The following NR4A3 variants were observed in gnomAD, a reference collection of about 807,000 sequenced individuals.
NR4A3 encodes the protein nuclear receptor subfamily 4 group A member 3.
A neutral mutation model predicts 55.6 loss-of-function variants in NR4A3; 13 were observed. The ratio of observed to expected loss-of-function variants is 0.23; its 90% confidence interval spans 0.15 to 0.37. The LOEUF is 0.37. Among genes scored for constraint, NR4A3 ranks in the 10% least tolerant of loss-of-function variants. The pLI is 1.00. For missense variants in NR4A3, 646 were observed against 822.8 expected (o/e 0.79, Z 2.63); for synonymous variants, 342 against 357.9 (o/e 0.96, Z 0.50).
rs184308000 is a variant in NR4A3 at position 99,828,084 on chromosome 9, T to C, written c.42T>C (p.Gly14=). The C allele has an allele frequency of 6.2e-7, 1 of 1,613,822 alleles. No homozygotes were observed. The highest frequency in any genetic ancestry group is 1.3e-5 in the African/African-American group (1 of 74,904). ...VQAQYSPSPP[G]SSYAAQTYSS... is the part of the protein sequence containing the mutation. ...CCCAATATAGCCCTTCCCCTCCAGGTTCCAGTTATGCGGCGCAGACATACA... is the reference window on the plus strand; with the variant it reads ...CCCAATATAGCCCTTCCCCTCCAGGCTCCAGTTATGCGGCGCAGACATACA... The change falls in exon 3 of 8, where the codon GGT becomes GGC. Residue 14 remains glycine (G), a synonymous_variant. Coordinates refer to ENST00000395097, the MANE Select transcript of NR4A3 (RefSeq NM_006981.4). The surrounding 1 kb of genome is among the most constrained non-coding windows in gnomAD (Gnocchi z 7.7).
chr9:99,824,968 A>G (rs1294682830), intron 1 of NR4A3, among the ~76,000 whole-genome samples: 2 of 152,172 alleles, frequency 1.3e-5, no homozygotes, highest in Non-Finnish European at 2.9e-5. Context: ...CGCTCGTCCC[A>G]TCAGCCGCTA....
At chr9:99,833,562 A>G in intron 5 of NR4A3, 108 bp downstream of exon 5, 1 of 1,610,248 alleles carries the variant, frequency 6.2e-7, no homozygotes, top group South Asian at 1.1e-5. Context: ...CATGTTAGAC[A>G]GTTTTCATAC....
At chr9:99,830,314 C>T (rs142377983) in intron 3 of NR4A3, among the ~76,000 whole-genome samples, 123 of 152,184 alleles carry the variant, frequency 8.1e-4, no homozygotes, top group African/African-American at 2.8e-3. Flanking sequence ...AGCCTGTTTC[C>T]CTATCAATGA....
chr9:99,824,620 C>T (rs963429998), intron 1 of NR4A3, among the ~76,000 whole-genome samples: 1 of 152,190 alleles, frequency 6.6e-6, no homozygotes, highest in Non-Finnish European at 1.5e-5. Flanking sequence ...GGCTCAGGGG[C>T]GCCAGGAGAT....
chr9:99,859,269 G>GTATATTA (rs1827973588), intron 7 of NR4A3, among the ~76,000 whole-genome samples: 1 of 152,150 alleles, frequency 6.6e-6, no homozygotes, highest in African/African-American at 2.4e-5. Context: ...TATGAACTCT[G>GTATATTA]TATATTAGCT....
In NR4A3 at chr9:99,855,528, TG is replaced by T. The variant is rs1477921282; in HGVS notation, c.1633+7915del. On this transcript the variant is annotated intron_variant, in intron 7 of 7. Transcript: ENST00000395097. ...CATTCCCTTACCCTCAAAGAGTCTGTGGTCTCACTGGAGAGAGAGACAGACA... is the reference window on the plus strand; with the variant it reads ...CATTCCCTTACCCTCAAAGAGTCTGTGTCTCACTGGAGAGAGAGACAGACA... Among the ~76,000 whole-genome samples, 10 of 152,300 alleles carry T rather than the reference TG, an allele frequency of 6.6e-5. No homozygotes were observed. In the East Asian group the frequency reaches 1.7e-3, roughly 26 times the overall value.
At chr9:99,833,234 C>T in intron 4 of NR4A3, 48 bp from the exon 5 acceptor site, 1 of 1,536,878 alleles carries the variant, frequency 6.5e-7, no homozygotes, top group Non-Finnish European at 8.7e-7. Context: ...TATGGTCGTT[C>T]ATTCCATAAT....
rs192019896 is a variant in NR4A3 at position 99,835,002 on chromosome 9, T to C, written c.1254+1548T>C. 4.5e-3 allele frequency: 3,862 copies of C among 863,612 alleles called. 12 individuals are homozygous for C. Among genetic ancestry groups the C allele is most frequent in the Non-Finnish European group, 5.1e-3 (3,653 of 718,614 alleles). The allele number at this position is 863,612 out of a possible 1,614,324, so 53.5% of individuals were successfully genotyped here. On this transcript the variant is annotated intron_variant, in intron 5 of 7. Transcript: ENST00000395097. ...TGAAAATCCCAACACTGTCCTTTAC[T>C]AGCTAAGTGACCTTGAGCAACTGAT...
At position 99,833,484 on chromosome 9, in the gene NR4A3, G is replaced by T. The variant is rs537327709; in HGVS notation, c.1254+30G>T. The T allele has an allele frequency of 4.8e-5, 78 of 1,614,024 alleles. 1 individual carries two copies. In the East Asian group the frequency reaches 1.6e-3, roughly 34 times the overall value. On this transcript the variant is annotated intron_variant, in intron 5 of 7. Coordinates refer to ENST00000395097, the MANE Select transcript of NR4A3 (RefSeq NM_006981.4). ...GTTTTATGATTTCCTGCTTTCAAAT[G>T]AATGATCAGGGTCTCTATTTATGGC... is the stretch of plus-strand genomic sequence containing the variant.
intron 5 of NR4A3, chr9:99,833,756 G>C (rs559750902): frequency 9.9e-6 from 14 of 1,408,974 alleles, no homozygotes; most frequent in South Asian, 1.4e-5. Context: ...ACTACAATTT[G>C]TAGATTTATC....
chr9:99,837,319 C>T (rs969067177), intron 5 of NR4A3, among the ~76,000 whole-genome samples: 7 of 152,014 alleles, frequency 4.6e-5, no homozygotes, highest in Admixed American at 3.3e-4. Context: ...TTTACATATA[C>T]AAATTCATAA....
intron 3 of NR4A3, among the ~76,000 whole-genome samples, chr9:99,830,031 A>G (rs1163456767): frequency 1.3e-5 from 2 of 152,304 alleles, no homozygotes; most frequent in South Asian, 4.1e-4. Context: ...CCCAGACTTT[A>G]TCAGACACTT....
intron 5 of NR4A3, among the ~76,000 whole-genome samples, chr9:99,835,664 A>G (rs1436641041): frequency 6.6e-6 from 1 of 152,220 alleles, no homozygotes; most frequent in African/African-American, 2.4e-5. Flanking sequence ...GCCCCAAATT[A>G]TCCAATTATC....
chr9:99,843,214 C>T (rs895915992), intron 5 of NR4A3, among the ~76,000 whole-genome samples: 1 of 152,306 alleles, frequency 6.6e-6, no homozygotes, highest in African/African-American at 2.4e-5. Context: ...TCCAATAGAC[C>T]TCCCCTCAGT....
At chr9:99,852,361 A>G (rs1827864144) in intron 7 of NR4A3, among the ~76,000 whole-genome samples, 1 of 152,188 alleles carries the variant, frequency 6.6e-6, no homozygotes, top group Non-Finnish European at 1.5e-5. Context: ...GCATTTGATG[A>G]CTGTATGTCC....
rs887264612 is a variant in NR4A3, at chr9:99,844,559, C to T, written c.1255-90C>T. ...TAACACCTAAAAGTAAGAATTTAGG[C>T]ATTGATGGTCTTGGAAGGGCCTGTT... On this transcript the variant is annotated intron_variant, in intron 5 of 7. Transcript: ENST00000395097. 3.3e-5 allele frequency: 31 copies of T among 952,256 alleles called. No individual in the cohort carries two copies. The Admixed American group carries it at 5.9e-4, about 18-fold the overall frequency. 59.0% of individuals were successfully genotyped at this position (952,256 alleles called of 1,614,324 possible).
chr9:99,856,006 T>A (rs939280489), intron 7 of NR4A3, among the ~76,000 whole-genome samples: 1 of 152,114 alleles, frequency 6.6e-6, no homozygotes, highest in African/African-American at 2.4e-5. Flanking sequence ...GAGGCAGAAC[T>A]GGGAACTACA....
In NR4A3 at chr9:99,866,584, A is replaced by G. The variant is rs72744691; in HGVS notation, c.*2717A>G. ...CCTTTTTTTTGTCTTAATGTTGCAC[A>G]TAAGTTTATACAGAGTGGATGACCA... On this transcript the variant is annotated 3_prime_UTR_variant, in exon 8 of 8. Transcript: ENST00000395097. The G allele has an allele frequency of 3.5e-5, 8 of 228,136 alleles. No homozygotes were observed. The highest frequency in any genetic ancestry group is 6.1e-5 in the Non-Finnish European group (7 of 114,564). 14.1% of individuals were successfully genotyped at this position (228,136 alleles called of 1,614,324 possible).
chr9:99,856,982 T>G (rs931719072), intron 7 of NR4A3, among the ~76,000 whole-genome samples: 5 of 152,254 alleles, frequency 3.3e-5, no homozygotes, highest in African/African-American at 1.2e-4. Flanking sequence ...ACATGTGTTA[T>G]TTTGTTTAAT....
Sources: allele counts gnomAD v4.1 joint callset (sites outside exome capture counted in the v4.1 genomes callset), GRCh38; gene constraint gnomAD v4.1.1; non-coding constraint Gnocchi (gnomAD v3.1); transcripts MANE v1.5; gene names NCBI Gene and HGNC (gene_info 2026-07-23, HGNC 2026-07-21).